Variants in CHCHD6 observed in about 807,000 individuals in gnomAD.
CHCHD6 encodes the protein MICOS complex subunit MIC25.
CHCHD6 carries 28 observed loss-of-function variants against 32.3 expected under a neutral mutation model. That is an observed-to-expected ratio of 0.87 (90% CI 0.64 to 1.19). CHCHD6 has a LOEUF of 1.19. Ranked by LOEUF, CHCHD6 falls within the 50% of genes most tolerant of loss-of-function variation. The probability of loss-of-function intolerance (pLI) is 0.00; values close to 1 mark genes in which losing one functional copy is unlikely to be tolerated. For synonymous variants in CHCHD6, 122 were observed against 117.5 expected (o/e 1.04, Z -0.25); for missense variants, 333 against 307.0 (o/e 1.08, Z -0.63).
At chr3:126,877,203 A>G (rs1016217764) in intron 5 of CHCHD6, among the ~76,000 whole-genome samples, 2 of 152,190 alleles carry the variant, frequency 1.3e-5, no homozygotes, top group African/African-American at 4.8e-5. Flanking sequence ...GACTTCTTTG[A>G]GTAGACTTTT....
At chr3:126,929,561 A>C (rs1576615701) in intron 6 of CHCHD6, among the ~76,000 whole-genome samples, 1 of 149,318 alleles carries the variant, frequency 6.7e-6, no homozygotes, top group South Asian at 2.1e-4. Context: ...CATCTCTCTC[A>C]ACTCTCTCTC....
chr3:126,930,364 T>C (rs2078386693), intron 6 of CHCHD6, among the ~76,000 whole-genome samples: 1 of 152,146 alleles, frequency 6.6e-6, no homozygotes, highest in African/African-American at 2.4e-5. Flanking sequence ...TTCTCGAGAA[T>C]TCTGTAAAGG....
intron 6 of CHCHD6, among the ~76,000 whole-genome samples, chr3:126,920,867 C>T (rs1006748327): frequency 6.6e-6 from 1 of 152,196 alleles, no homozygotes; most frequent in Admixed American, 6.5e-5. Context: ...CAAATACTCA[C>T]CTCTCCACGG....
At chr3:126,931,435 T>C (rs1043792127) in intron 6 of CHCHD6, among the ~76,000 whole-genome samples, 3 of 152,204 alleles carry the variant, frequency 2.0e-5, no homozygotes, top group Non-Finnish European at 4.4e-5. Context: ...CGCCAGTCCC[T>C]GGTCTTGGTG....
chr3:126,746,055 T>C (rs1936486788), intron 4 of CHCHD6, among the ~76,000 whole-genome samples: 1 of 152,170 alleles, frequency 6.6e-6, no homozygotes, highest in South Asian at 2.1e-4. Context: ...GGCTAGGACT[T>C]GGGTGGCTGG....
At chr3:126,763,598 C>G (rs1334894191) in intron 4 of CHCHD6, among the ~76,000 whole-genome samples, 2 of 152,168 alleles carry the variant, frequency 1.3e-5, no homozygotes, top group African/African-American at 4.8e-5. Context: ...GCCTTGGCCT[C>G]CCGAAGTGCT....
At chr3:126,765,394 C>T (rs560799739) in intron 4 of CHCHD6, among the ~76,000 whole-genome samples, 31 of 152,298 alleles carry the variant, frequency 2.0e-4, no homozygotes, top group East Asian at 5.8e-4. Flanking sequence ...AGGCACTTGA[C>T]GGGGACACTG....
At chr3:126,911,840 G>A (rs778141968) in intron 5 of CHCHD6, among the ~76,000 whole-genome samples, 1 of 152,350 alleles carries the variant, frequency 6.6e-6, no homozygotes, top group Non-Finnish European at 1.5e-5. Flanking sequence ...CGCTCTCTGA[G>A]AAGGTTGGCA....
intron 4 of CHCHD6, among the ~76,000 whole-genome samples, chr3:126,822,240 A>G (rs960569663): frequency 1.3e-5 from 2 of 152,290 alleles, no homozygotes; most frequent in African/African-American, 4.8e-5. Flanking sequence ...GTTTTTGTAT[A>G]TGGTGTGAGG....
At chr3:126,767,298 C>T in intron 4 of CHCHD6, 1 of 1,133,288 alleles carries the variant, frequency 8.8e-7, no homozygotes, top group Admixed American at 1.7e-5. Context: ...ATCTTGTTCT[C>T]CCCAAACGCA....
chr3:126,823,786 C>A (rs1940256509), intron 4 of CHCHD6, among the ~76,000 whole-genome samples: 1 of 152,212 alleles, frequency 6.6e-6, no homozygotes, highest in Non-Finnish European at 1.5e-5. Context: ...GTGGCTCACG[C>A]CTATAATCCC....
At chr3:126,914,326 C>A (rs2078138136) in intron 5 of CHCHD6, among the ~76,000 whole-genome samples, 1 of 152,172 alleles carries the variant, frequency 6.6e-6, no homozygotes. Flanking sequence ...TCAACTCTGC[C>A]ATTGTAGCAC....
At chr3:126,847,904 C>T (rs959151596) in intron 4 of CHCHD6, among the ~76,000 whole-genome samples, 5 of 152,254 alleles carry the variant, frequency 3.3e-5, no homozygotes, top group Middle Eastern at 3.4e-3. Context: ...TCCTCATCTT[C>T]TGAAACAGCT....
At chr3:126,803,118 T>C (rs999195935) in intron 4 of CHCHD6, among the ~76,000 whole-genome samples, 1 of 149,936 alleles carries the variant, frequency 6.7e-6, no homozygotes, top group African/African-American at 2.5e-5. Context: ...CATGCGAAAA[T>C]GTAAAAGACC....
rs550619255 is a variant in CHCHD6 at position 126,958,130 on chromosome 3, G to A, written c.702+579G>A. Reference sequence around the variant, plus strand: ...CGGTTGTCCTGGATGCCTGTGATGCGCTCCCAGCCAGCTCCTACTGCCTTC... The same window carrying A: ...CGGTTGTCCTGGATGCCTGTGATGCACTCCCAGCCAGCTCCTACTGCCTTC... On this transcript the variant is annotated intron_variant, in intron 7 of 7. Coordinates refer to ENST00000290913, the MANE Select transcript of CHCHD6 (RefSeq NM_032343.3). 1.2e-3 allele frequency among the ~76,000 whole-genome samples: 188 copies of A among 151,436 alleles called. 1 individual carries two copies. Among genetic ancestry groups the A allele is most frequent in the Non-Finnish European group, 2.2e-3 (151 of 67,888 alleles).
At chr3:126,812,482 G>A (rs1173465347) in intron 4 of CHCHD6, among the ~76,000 whole-genome samples, 1 of 151,624 alleles carries the variant, frequency 6.6e-6, no homozygotes, top group African/African-American at 2.4e-5. Context: ...GGAGTGCAGT[G>A]GCGCGATCTC....
chr3:126,704,340 C>G lies in CHCHD6; in HGVS notation c.28C>G (p.Arg10Gly). ...GGGGAGCACGGAGAGCAGCGAGGGC[C>G]GCAGGGTGTCCTTCGGAGTGGACGA... MGSTESSEG[R>G]RVSFGVDEEE... The change falls in exon 1 of 8, where the codon CGC becomes GGC. Residue 10 changes from arginine (R) to glycine (G), a missense_variant. By Grantham distance (125) the Arg-to-Gly change is moderately radical. Transcript: ENST00000290913. 11 of 1,601,348 alleles carry G rather than the reference C, an allele frequency of 6.9e-6. No homozygotes were observed. The highest frequency in any genetic ancestry group is 9.4e-6 in the Non-Finnish European group (11 of 1,175,656).
chr3:126,779,594 G>A (rs758893628), intron 4 of CHCHD6, among the ~76,000 whole-genome samples: 173 of 150,906 alleles, frequency 1.1e-3, no homozygotes, highest in African/African-American at 4.0e-3. Context: ...TTAGGTCTGT[G>A]ATGTCTTTGG....
intron 5 of CHCHD6, among the ~76,000 whole-genome samples, chr3:126,914,408 C>T (rs917020760): frequency 6.6e-5 from 10 of 152,178 alleles, no homozygotes; most frequent in African/African-American, 2.2e-4. Context: ...TTCACAAAAA[C>T]AGGTGGCAGG....
Sources: allele counts gnomAD v4.1 joint callset (sites outside exome capture counted in the v4.1 genomes callset), GRCh38; gene constraint gnomAD v4.1.1; transcripts MANE v1.5; gene names NCBI Gene and HGNC (gene_info 2026-07-23, HGNC 2026-07-21).